The following N4BP3 variants were observed in gnomAD, a reference collection of about 807,000 sequenced individuals.
The protein encoded by N4BP3 is NEDD4 binding protein 3, also known as NEDD4-binding protein 3.
N4BP3 carries 33 observed loss-of-function variants against 43.8 expected under a neutral mutation model. The observed-to-expected ratio is 0.75, with a 90% CI of 0.57 to 1.01. The LOEUF (loss-of-function observed/expected upper bound fraction) is 1.01. Ranked by LOEUF, N4BP3 falls within the 50% of genes least tolerant of loss-of-function variation. The probability of loss-of-function intolerance (pLI) is 0.00; values close to 1 mark genes in which losing one functional copy is unlikely to be tolerated. For missense variants in N4BP3, 756 were observed against 744.2 expected, an observed-to-expected ratio of 1.02 and a Z score of -0.18; for synonymous variants, 326 against 321.9, an observed-to-expected ratio of 1.01 and a Z score of -0.14.
In N4BP3 at chr5:178,119,645, G is replaced by A. The variant is rs757378716; in HGVS notation, c.62G>A (p.Arg21Gln). 4.4e-6 allele frequency: 7 copies of A among 1,593,020 alleles called. No individual in the cohort carries two copies. The highest frequency in any genetic ancestry group is 2.2e-5 in the East Asian group (1 of 44,668). ...GGCAGCGTGGGCAGCCTGTTGGAAC[G>A]GCAGGACTTCTCCCCTGAAGAGCTG... ...AMGSVGSLLE[R>Q]QDFSPEELRA... Residue 21 changes from arginine (R) to glutamine (Q), a missense_variant, in exon 2 of 5, where the codon CGG (arginine) becomes CAG (glutamine). Arg to Gln is a conservative substitution (Grantham distance 43). Transcript: ENST00000274605.
At chr5:178,116,765 C>A (rs965431772) in intron 1 of N4BP3, among the ~76,000 whole-genome samples, 1 of 152,284 alleles carries the variant, frequency 6.6e-6, no homozygotes, top group South Asian at 2.1e-4. Flanking sequence ...GGTCGGTTAT[C>A]TCCTCGAGAC....
Position 178,121,983 on chromosome 5 carries a change from C to G in N4BP3, c.1617C>G (p.Leu539=), listed in dbSNP as rs374920549. Reference sequence around the variant, plus strand: ...CCCCCACACCCTGGAGTCCCCGGCTCGAGTCCTCCAAGATCTGAGGCCAGC... The same window carrying G: ...CCCCCACACCCTGGAGTCCCCGGCTGGAGTCCTCCAAGATCTGAGGCCAGC... ...REPPTPWSPR[L]ESSKI The change falls in exon 5 of 5, where the codon CTC becomes CTG. Residue 539 remains leucine (L), a synonymous_variant. Transcript: ENST00000274605. 1 of 1,599,270 alleles carries G rather than the reference C, an allele frequency of 6.3e-7. No homozygotes were observed. Among genetic ancestry groups the G allele is most frequent in the Admixed American group, 1.7e-5 (1 of 58,606 alleles).
At chr5:178,117,631 A>AG (rs1757801672) in intron 1 of N4BP3, among the ~76,000 whole-genome samples, 1 of 133,936 alleles carries the variant, frequency 7.5e-6, no homozygotes, top group African/African-American at 2.8e-5. Flanking sequence ...AAAAAAAAAA[A>AG]AAAAAAAGAA....
rs1211894611 is a variant in N4BP3, at chr5:178,113,608, C to A, written c.-194C>A. ...TCCCTCGCCAATCCGGCTCCGGCGC[C>A]GGCGCCCGCCCGCGTTTTCCCGGCG... On this transcript the variant is annotated 5_prime_UTR_variant, in exon 1 of 5. Transcript: ENST00000274605. 6.6e-6 allele frequency: 1 copy of A among 151,854 alleles called. No individual in the cohort carries two copies. The highest frequency in any genetic ancestry group is 1.9e-4 in the East Asian group (1 of 5,164). 9.4% of individuals were successfully genotyped at this position (151,854 alleles called of 1,614,324 possible).
At position 178,121,078 on chromosome 5, in the gene N4BP3, G is replaced by T; in HGVS notation, c.853-20G>T. 2 of 1,591,982 alleles carry T rather than the reference G, an allele frequency of 1.3e-6. No homozygotes were observed. The highest frequency in any genetic ancestry group is 1.7e-6 in the Non-Finnish European group (2 of 1,176,796). ...TCTAGGGGGCAGGGCCACGGTGGAT[G>T]CATCTCTTCCCCTTGACAGGTGCTG... is the stretch of plus-strand genomic sequence containing the variant. On this transcript the variant is annotated intron_variant, in intron 3 of 4. Coordinates refer to ENST00000274605, the MANE Select transcript of N4BP3 (RefSeq NM_015111.2).
chr5:178,115,308 TC>T (rs1757747543), intron 1 of N4BP3, among the ~76,000 whole-genome samples: 1 of 152,130 alleles, frequency 6.6e-6, no homozygotes, highest in Non-Finnish European at 1.5e-5. Context: ...GGCCAGCCTC[TC>T]CCAGCCCCTC....
rs1269689624 is a variant in N4BP3, at chr5:178,123,905, A to T, written c.*1904A>T. The T allele has an allele frequency of 6.5e-6, 1 of 152,840 alleles. No homozygotes were observed. Among genetic ancestry groups the T allele is most frequent in the Admixed American group, 6.5e-5 (1 of 15,282 alleles). 9.5% of individuals were successfully genotyped at this position (152,840 alleles called of 1,614,324 possible). Reference sequence around the variant, plus strand: ...GATCCCCTAGGCCTATCTGAGACCCATACAGGCCCACACCTGAGCTCCTGT... The same window carrying T: ...GATCCCCTAGGCCTATCTGAGACCCTTACAGGCCCACACCTGAGCTCCTGT... On this transcript the variant is annotated 3_prime_UTR_variant, in exon 5 of 5. Coordinates refer to ENST00000274605, the MANE Select transcript of N4BP3 (RefSeq NM_015111.2).
At chr5:178,117,486 CTG>C (rs1372083011) in intron 1 of N4BP3, among the ~76,000 whole-genome samples, 4 of 151,988 alleles carry the variant, frequency 2.6e-5, no homozygotes, top group African/African-American at 9.7e-5. Flanking sequence ...TGTCACGCAC[CTG>C]TGTTTTTAGC....
chr5:178,116,785 G>A (rs1757782873), intron 1 of N4BP3, among the ~76,000 whole-genome samples: 1 of 152,074 alleles, frequency 6.6e-6, no homozygotes, highest in Non-Finnish European at 1.5e-5. Context: ...CAGGAAGTGA[G>A]CATCTGCCCA....
Position 178,121,831 on chromosome 5 carries a change from G to T in N4BP3, c.1465G>T (p.Glu489Ter). ...GQEQALRFEQ[E>*]RRTWQEEKER... ...GGAGCAGGCGCTGCGCTTTGAGCAG[G>T]AGCGGCGGACTTGGCAGGAGGAGAA... is the stretch of plus-strand genomic sequence containing the variant. The change falls in exon 5 of 5, where the codon GAG (glutamate) becomes TAG (stop). Residue 489 changes from glutamate to a stop codon, truncating the protein, a stop_gained. Transcript: ENST00000274605. LOFTEE classifies it high-confidence loss of function. The T allele has an allele frequency of 6.2e-7, 1 of 1,608,970 alleles. No individual in the cohort carries two copies.
At position 178,123,144 on chromosome 5, in the gene N4BP3, C is replaced by T. The variant is rs2113326474; in HGVS notation, c.*1143C>T. On this transcript the variant is annotated 3_prime_UTR_variant, in exon 5 of 5. Transcript: ENST00000274605. ...CCTAAAACCCACACCTGCCTTTGGT[C>T]TCTCAGAGGCCTGGCTTGCCCTCTG... The T allele has an allele frequency of 6.6e-6, 1 of 152,530 alleles. No homozygotes were observed. The highest frequency in any genetic ancestry group is 1.9e-4 in the East Asian group (1 of 5,182). The allele number at this position is 152,530 out of a possible 1,614,324, so 9.4% of individuals were successfully genotyped here. A position where few individuals can be genotyped will look rare whatever the true frequency, so the allele number is the denominator to read the frequency against.
At position 178,120,346 on chromosome 5, in the gene N4BP3, G is replaced by A. The variant is rs749095488; in HGVS notation, c.499G>A (p.Ala167Thr). The change falls in exon 3 of 5, where the codon GCC (alanine) becomes ACC (threonine). Residue 167 changes from alanine to threonine, a missense_variant. Ala to Thr is a moderately conservative substitution (Grantham distance 58, BLOSUM62 0). Transcript: ENST00000274605. ...GAGCCCCGGGCCCCGGGCCAGCCAG[G>A]CCCGGGCACAGCTGCTGCACGCCCT... ...PLSPGPRASQ[A>T]RAQLLHALSL... The A allele has an allele frequency of 6.2e-7, 1 of 1,607,650 alleles. No individual in the cohort carries two copies. The highest frequency in any genetic ancestry group is 1.7e-5 in the Admixed American group (1 of 59,796).
rs1346115666 is a variant in N4BP3 at position 178,120,807 on chromosome 5, G to A, written c.852+108G>A. The A allele has an allele frequency of 5.8e-6, 8 of 1,388,788 alleles. No homozygotes were observed. In the African/African-American group the frequency reaches 1.0e-4, roughly 18 times the overall value. The allele number at this position is 1,388,788 out of a possible 1,614,324, so 86.0% of individuals were successfully genotyped here. A position where few individuals can be genotyped will look rare whatever the true frequency, so the allele number is the denominator to read the frequency against. ...CCCACGTGGCCGTGGACACAAGAGA[G>A]CAAGAAAGGGGGAGCTGGCTTGGCT... On this transcript the variant is annotated intron_variant, in intron 3 of 4. Transcript: ENST00000274605.
Position 178,123,234 on chromosome 5 carries a change from G to A in N4BP3, c.*1233G>A, listed in dbSNP as rs879390936. On this transcript the variant is annotated 3_prime_UTR_variant, in exon 5 of 5. Coordinates refer to ENST00000274605, the MANE Select transcript of N4BP3 (RefSeq NM_015111.2). ...GGTTCTGTCTGGCTGTGTGAGTGGCGTCTCTCCCTTCCTTTGAGGGAAGCT... is the reference window on the plus strand; with the variant it reads ...GGTTCTGTCTGGCTGTGTGAGTGGCATCTCTCCCTTCCTTTGAGGGAAGCT... The A allele has an allele frequency of 1.3e-5, 2 of 152,480 alleles. No homozygotes were observed. Among genetic ancestry groups the A allele is most frequent in the Admixed American group, 6.5e-5 (1 of 15,304 alleles). The allele number at this position is 152,480 out of a possible 1,614,324, so 9.4% of individuals were successfully genotyped here.
At position 178,121,893 on chromosome 5, in the gene N4BP3, AG is replaced by A; in HGVS notation, c.1530del (p.Tyr511ThrfsTer41). Reference sequence around the variant, plus strand: ...TGCGCTACCAGCGGGAGATCCAGGGAGGGTACATGGACATGTACCGCCGCAA... The same window carrying A: ...TGCGCTACCAGCGGGAGATCCAGGGAGGTACATGGACATGTACCGCCGCAA... ...VLRYQREIQG[G>X]YMDMYRRNQA... On this transcript the variant is annotated frameshift_variant, in exon 5 of 5. Transcript: ENST00000274605. LOFTEE classifies it high-confidence loss of function. The A allele has an allele frequency of 1.2e-6, 2 of 1,611,094 alleles. No individual in the cohort carries two copies. The highest frequency in any genetic ancestry group is 1.7e-6 in the Non-Finnish European group (2 of 1,179,496).
Position 178,120,461 on chromosome 5 carries a change from C to T in N4BP3, c.614C>T (p.Pro205Leu). The change falls in exon 3 of 5, where the codon CCT becomes CTT. Residue 205 changes from proline (P) to leucine (L), a missense_variant. Physicochemically the swap from Pro to Leu is moderately conservative, Grantham distance 98. Coordinates refer to ENST00000274605, the MANE Select transcript of N4BP3 (RefSeq NM_015111.2). ...TTTGGTCGCAGTCCTGGTACTGGCC[C>T]TAGCCCCTTCAGCTCCTCCCTTGGC... ...GSFGRSPGTG[P>L]SPFSSSLGHL... The T allele has an allele frequency of 6.2e-7, 1 of 1,613,098 alleles. No homozygotes were observed. The highest frequency in any genetic ancestry group is 8.5e-7 in the Non-Finnish European group (1 of 1,180,010).
rs1002935364 is a variant in N4BP3, at chr5:178,121,560, C to T, written c.1194C>T (p.Ile398=). ...AACTGGCCCAGAAGCTGGCGGAGAT[C>T]TTCAGTCTGAAGACACAACTTCGGG... ...QAELAQKLAE[I]FSLKTQLRGS... is the part of the protein sequence containing the mutation. The change falls in exon 5 of 5, where the codon ATC becomes ATT. Residue 398 remains isoleucine (I), a synonymous_variant. Transcript: ENST00000274605. 2.5e-6 allele frequency: 4 copies of T among 1,613,698 alleles called. No individual in the cohort carries two copies. The highest frequency in any genetic ancestry group is 3.4e-6 in the Non-Finnish European group (4 of 1,180,008).
At position 178,120,605 on chromosome 5, in the gene N4BP3, C is replaced by T. The variant is rs751376503; in HGVS notation, c.758C>T (p.Ser253Phe). Residue 253 changes from serine (S) to phenylalanine (F), a missense_variant, in exon 3 of 5, where the codon TCC (serine) becomes TTC (phenylalanine). Transcript: ENST00000274605. Reference sequence around the variant, plus strand: ...CCACCCCCCTACGAGTTCTCCTGCTCCTCTGCCGAGGAAATGGGAGCCGTG... The same window carrying T: ...CCACCCCCCTACGAGTTCTCCTGCTTCTCTGCCGAGGAAATGGGAGCCGTG... ...EPPPPYEFSCSSAEEMGAVLP... is the reference protein window; with the variant it reads ...EPPPPYEFSCFSAEEMGAVLP... 9.3e-6 allele frequency: 15 copies of T among 1,611,930 alleles called. No homozygotes were observed. The Admixed American group carries it at 1.7e-4, about 18-fold the overall frequency.
At position 178,121,570 on chromosome 5, in the gene N4BP3, A is replaced by C; in HGVS notation, c.1204A>C (p.Lys402Gln). ...GAAGCTGGCGGAGATCTTCAGTCTG[A>C]AGACACAACTTCGGGGCAGCCGGGC... is the stretch of plus-strand genomic sequence containing the variant. ...AQKLAEIFSL[K>Q]TQLRGSRAQA... is the part of the protein sequence containing the mutation. The change falls in exon 5 of 5, where the codon AAG becomes CAG. Residue 402 changes from lysine to glutamine, a missense_variant. Coordinates refer to ENST00000274605, the MANE Select transcript of N4BP3 (RefSeq NM_015111.2). 1 of 1,613,646 alleles carries C rather than the reference A, an allele frequency of 6.2e-7. No homozygotes were observed. The highest frequency in any genetic ancestry group is 8.5e-7 in the Non-Finnish European group (1 of 1,180,006).
Sources: gnomAD v4.1 joint callset for allele counts (sites outside exome capture counted in the v4.1 genomes callset) on GRCh38, gnomAD v4.1.1 for gene constraint, MANE v1.5 for transcripts, NCBI Gene and HGNC (gene_info 2026-07-23, HGNC 2026-07-21) for gene names.